Variants in PRMT9 observed in about 807,000 individuals in gnomAD.
PRMT9 encodes protein arginine N-methyltransferase 9.
In PRMT9, 59 loss-of-function variants were observed where a neutral mutation model predicts 83.2. That is an observed-to-expected ratio of 0.71 (90% CI 0.57 to 0.88). The LOEUF (loss-of-function observed/expected upper bound fraction) is 0.88. Among genes scored for constraint, PRMT9 ranks in the 40% least tolerant of loss-of-function variants. PRMT9 has a pLI of 0.00. For synonymous variants in PRMT9, 333 were observed against 353.2 expected, an observed-to-expected ratio of 0.94 and a Z score of 0.64; for missense variants, 947 against 1,021.9, an observed-to-expected ratio of 0.93 and a Z score of 1.00.
At chr4:147,656,992 T>TA (rs1734552101) in intron 8 of PRMT9, among the ~76,000 whole-genome samples, 1 of 150,670 alleles carries the variant, frequency 6.6e-6, no homozygotes, top group African/African-American at 2.4e-5. Flanking sequence ...CGAATCACTG[T>TA]AAAAAAAATT....
intron 6 of PRMT9, 122 bp downstream of exon 6, chr4:147,668,417 G>C (rs566426633): frequency 1.2e-4 from 87 of 699,524 alleles, no homozygotes; most frequent in Non-Finnish European, 1.9e-4. Flanking sequence ...TGCCATGTTT[G>C]TAAGTTTCCT....
rs753948433 is a variant in PRMT9 at position 147,639,036 on chromosome 4, G to A, written c.2246C>T (p.Pro749Leu). The stretch of plus-strand genomic sequence containing the variant: ...TAAGAGTTCCACTGGCTTGCTTAAA[G>A]GTATACAGGGCAATGAGGATAGGTC... ...FLDLSSLPCI[P>L]LSKPVELLRL... The change falls in exon 11 of 12, where the codon CCT (proline) becomes CTT (leucine). Residue 749 changes from proline (P) to leucine (L), a missense_variant. Physicochemically the swap from Pro to Leu is moderately conservative, Grantham distance 98 (BLOSUM62 -3). Transcript: ENST00000322396. 22 of 1,612,686 alleles carry A rather than the reference G, an allele frequency of 1.4e-5. No homozygotes were observed. The African/African-American group carries it at 2.3e-4, about 17-fold the overall frequency.
chr4:147,668,767 G>C (rs1735529682), intron 5 of PRMT9, 122 bp from the exon 6 acceptor site: 1 of 693,204 alleles, frequency 1.4e-6, no homozygotes. Flanking sequence ...GATAAAGTAA[G>C]TTAAAGGTTT....
At chr4:147,655,550 A>G (rs1404916860) in intron 8 of PRMT9, among the ~76,000 whole-genome samples, 1 of 151,986 alleles carries the variant, frequency 6.6e-6, no homozygotes, top group African/African-American at 2.4e-5. Flanking sequence ...AAATTGTTAT[A>G]CTTTTTTGGG....
rs900114671 is a variant in PRMT9, at chr4:147,684,111, C to T, written c.-124G>A. The T allele has an allele frequency of 8.7e-7, 1 of 1,152,418 alleles. No homozygotes were observed. The highest frequency in any genetic ancestry group is 1.2e-6 in the Non-Finnish European group (1 of 800,004). 71.4% of individuals were successfully genotyped at this position (1,152,418 alleles called of 1,614,324 possible). On this transcript the variant is annotated 5_prime_UTR_variant, in exon 1 of 12. Coordinates refer to ENST00000322396, the MANE Select transcript of PRMT9 (RefSeq NM_138364.4). ...AAAACAGCACAGCAAAGTTACCCTC[C>T]GCCGCGGGTGAACTCGCCAACCCCA... is the stretch of plus-strand genomic sequence containing the variant.
At chr4:147,660,062 G>A (rs538924119) in intron 7 of PRMT9, among the ~76,000 whole-genome samples, 26 of 152,266 alleles carry the variant, frequency 1.7e-4, no homozygotes, top group African/African-American at 6.3e-4. Flanking sequence ...ATACAACCTA[G>A]AGATTTGGAT....
intron 7 of PRMT9, among the ~76,000 whole-genome samples, chr4:147,659,162 G>C (rs1056795152): frequency 6.9e-6 from 1 of 145,400 alleles, no homozygotes; most frequent in Non-Finnish European, 1.5e-5. Flanking sequence ...CTGGGCGACA[G>C]AGTGAGAGTC....
At chr4:147,668,999 T>C (rs896934302) in intron 5 of PRMT9, among the ~76,000 whole-genome samples, 2 of 151,882 alleles carry the variant, frequency 1.3e-5, no homozygotes, top group Non-Finnish European at 2.9e-5. Flanking sequence ...GGCAGGAGAA[T>C]CGCTTGAACC....
intron 7 of PRMT9, among the ~76,000 whole-genome samples, chr4:147,659,832 C>T (rs1578906735): frequency 6.6e-6 from 1 of 152,060 alleles, no homozygotes; most frequent in African/African-American, 2.4e-5. Flanking sequence ...CCACCTGCCT[C>T]GGCCTCCCAA....
chr4:147,656,762 ACT>A (rs1188277464), intron 8 of PRMT9, among the ~76,000 whole-genome samples: 2 of 109,774 alleles, frequency 1.8e-5, no homozygotes, highest in East Asian at 2.8e-4. Flanking sequence ...ACAGAGCGAG[ACT>A]CTGTCTCAAA....
In PRMT9 at chr4:147,654,548, C is replaced by A; in HGVS notation, c.1349G>T (p.Gly450Val). Residue 450 changes from glycine (G) to valine (V), a missense_variant, in exon 9 of 12, where the codon GGA becomes GTA. Physicochemically the swap from Gly to Val is moderately radical, Grantham distance 109. Transcript: ENST00000322396. ...AGATACTTCCATCATCACATGGTCTCCAGGCTTTATCCAGTAGTCTTCATT... is the reference window on the plus strand; with the variant it reads ...AGATACTTCCATCATCACATGGTCTACAGGCTTTATCCAGTAGTCTTCATT... The part of the protein sequence containing the change: ...QDLADYWIKP[G>V]DHVMMEVSCQ... 1 of 1,612,096 alleles carries A rather than the reference C, an allele frequency of 6.2e-7. No homozygotes were observed. Among genetic ancestry groups the A allele is most frequent in the Non-Finnish European group, 8.5e-7 (1 of 1,178,648 alleles).
chr4:147,680,358 T>A lies in PRMT9; in HGVS notation c.303A>T (p.Glu101Asp). 1 of 1,614,150 alleles carries A rather than the reference T, an allele frequency of 6.2e-7. No homozygotes were observed. The change falls in exon 2 of 12, where the codon GAA (glutamate) becomes GAT (aspartate). Residue 101 changes from glutamate to aspartate, a missense_variant. Physicochemically the swap from Glu to Asp is conservative, Grantham distance 45. Transcript: ENST00000322396. Reference protein sequence around the residue: ...EQALELFPDDEVICNSMGEHL... With the variant: ...EQALELFPDDDVICNSMGEHL... ...GCTCCCCCATACTATTGCAAATCAC[T>A]TCATCATCAGGAAACAGTTCCAAGG...
At chr4:147,668,224 G>A (rs1735470899) in intron 6 of PRMT9, among the ~76,000 whole-genome samples, 1 of 152,182 alleles carries the variant, frequency 6.6e-6, no homozygotes, top group Admixed American at 6.5e-5. Context: ...GAAGTGACTG[G>A]ATTATGAGAA....
chr4:147,663,718 C>T (rs1185862059), intron 6 of PRMT9, among the ~76,000 whole-genome samples: 1 of 152,146 alleles, frequency 6.6e-6, no homozygotes, highest in Non-Finnish European at 1.5e-5. Flanking sequence ...ATTGTCAAAA[C>T]TTCAAGCCAT....
intron 2 of PRMT9, among the ~76,000 whole-genome samples, chr4:147,676,092 C>T (rs1000066645): frequency 1.3e-5 from 2 of 152,304 alleles, no homozygotes; most frequent in South Asian, 4.1e-4. Context: ...TGAACTGCTA[C>T]CGTCCAAATT....
intron 9 of PRMT9, among the ~76,000 whole-genome samples, chr4:147,644,453 G>A (rs149638791): frequency 3.0e-4 from 44 of 145,346 alleles, no homozygotes; most frequent in African/African-American, 8.1e-4. Context: ...CTCTTCCTAC[G>A]TTGACCTTGG....
At chr4:147,648,650 G>T (rs1451550903) in intron 9 of PRMT9, among the ~76,000 whole-genome samples, 1 of 152,222 alleles carries the variant, frequency 6.6e-6, no homozygotes, top group South Asian at 2.1e-4. Flanking sequence ...AAGTACAAGT[G>T]ACATACTTGT....
At position 147,654,088 on chromosome 4, in the gene PRMT9, C is replaced by A; in HGVS notation, c.1809G>T (p.Gln603His). 6.2e-7 allele frequency: 1 copy of A among 1,614,200 alleles called. No individual in the cohort carries two copies. The highest frequency in any genetic ancestry group is 8.5e-7 in the Non-Finnish European group (1 of 1,180,034). The change falls in exon 9 of 12, where the codon CAG becomes CAT. Residue 603 changes from glutamine to histidine, a missense_variant. Coordinates refer to ENST00000322396, the MANE Select transcript of PRMT9 (RefSeq NM_138364.4). ...VLPVIAGTLG[Q>H]VKPYSSVEKD... ...TCTCCACAGAACTGTATGGTTTAAC[C>A]TGCCCAAGTGTGCCAGCAATAACAG...
chr4:147,661,789 C>CAAAAA (rs70958573), intron 6 of PRMT9, among the ~76,000 whole-genome samples: 16 of 60,170 alleles, frequency 2.7e-4, no homozygotes, highest in Middle Eastern at 0.019. Flanking sequence ...GACTCCATCT[C>CAAAAA]AAAAAAAAAA....
Sources: gnomAD v4.1 joint callset for allele counts (sites outside exome capture counted in the v4.1 genomes callset) on GRCh38, gnomAD v4.1.1 for gene constraint, MANE v1.5 for transcripts, NCBI Gene and HGNC (gene_info 2026-07-23, HGNC 2026-07-21) for gene names.